Variants in RPH3A observed in about 807,000 individuals in gnomAD.
RPH3A encodes the protein rabphilin-3A.
RPH3A carries 48 observed loss-of-function variants against 102.2 expected under a neutral mutation model. That is an observed-to-expected ratio of 0.47 (90% CI 0.37 to 0.60). The LOEUF is 0.60. RPH3A is among the 20% of genes least tolerant of loss of function. RPH3A has a pLI of 0.00. For synonymous variants in RPH3A, 310 were observed against 324.3 expected (o/e 0.96, Z 0.47); for missense variants, 781 against 910.1 (o/e 0.86, Z 1.83).
At chr12:112,693,980 A>G (rs1160477190) in intron 1 of RPH3A, among the ~76,000 whole-genome samples, 2 of 152,192 alleles carry the variant, frequency 1.3e-5, no homozygotes, top group African/African-American at 2.4e-5. Context: ...GAGCCTTGCA[A>G]TGGCTTTCTA....
intron 1 of RPH3A, among the ~76,000 whole-genome samples, chr12:112,784,389 A>G (rs1480880755): frequency 6.6e-6 from 1 of 152,124 alleles, no homozygotes; most frequent in Non-Finnish European, 1.5e-5. Flanking sequence ...TGAGGTGATG[A>G]TCTATCCCAG....
At chr12:112,851,316 T>C (rs1448184809) in intron 5 of RPH3A, among the ~76,000 whole-genome samples, 1 of 152,202 alleles carries the variant, frequency 6.6e-6, no homozygotes, top group Non-Finnish European at 1.5e-5. Context: ...AACTATGCTC[T>C]TAAATGTCTG....
chr12:112,679,748 G>A (rs2040213797), intron 1 of RPH3A, among the ~76,000 whole-genome samples: 2 of 152,198 alleles, frequency 1.3e-5, no homozygotes, highest in Non-Finnish European at 2.9e-5. Flanking sequence ...TTTTAATGAG[G>A]CTGTGCCAGG....
In RPH3A at chr12:112,791,875, A is replaced by AGC. The variant is rs2041116373; in HGVS notation, c.-276_-275insCG. The AGC allele has an allele frequency of 6.9e-6, 1 of 145,370 alleles. No homozygotes were observed. Among genetic ancestry groups the AGC allele is most frequent in the African/African-American group, 2.6e-5 (1 of 38,986 alleles). The allele number at this position is 145,370 out of a possible 1,614,324, so 9.0% of individuals were successfully genotyped here. On this transcript the variant is annotated 5_prime_UTR_variant, in exon 1 of 22. Coordinates refer to ENST00000389385, the MANE Select transcript of RPH3A (RefSeq NM_001143854.2). ...GGAAAGGAAGGGAGAAGGGAGAGAG[A>AGC]GAGAGAGAGAGAGAGAGAGAGAGAG...
intron 5 of RPH3A, among the ~76,000 whole-genome samples, chr12:112,862,238 C>A (rs1260426450): frequency 1.3e-5 from 2 of 149,772 alleles, no homozygotes; most frequent in African/African-American, 4.9e-5. Context: ...AGACTCAGTC[C>A]CCCCCCCAAA....
chr12:112,757,135 A>C (rs1249593364), intron 1 of RPH3A, among the ~76,000 whole-genome samples: 1 of 152,206 alleles, frequency 6.6e-6, no homozygotes, highest in East Asian at 1.9e-4. Context: ...CAAATGAATG[A>C]AATAAAATGA....
At chr12:112,706,565 T>C (rs1042325154) in intron 1 of RPH3A, among the ~76,000 whole-genome samples, 1 of 152,146 alleles carries the variant, frequency 6.6e-6, no homozygotes, top group Non-Finnish European at 1.5e-5. Flanking sequence ...CTTCAACAAA[T>C]GAGAATGGCT....
At chr12:112,810,656 AC>A (rs2041555136) in intron 2 of RPH3A, among the ~76,000 whole-genome samples, 1 of 152,122 alleles carries the variant, frequency 6.6e-6, no homozygotes, top group Non-Finnish European at 1.5e-5. Context: ...CCCAAAAACA[AC>A]CCCTAAGTAT....
intron 1 of RPH3A, among the ~76,000 whole-genome samples, chr12:112,636,081 G>A (rs1167765891): frequency 6.6e-6 from 1 of 152,148 alleles, no homozygotes; most frequent in Non-Finnish European, 1.5e-5. Flanking sequence ...TGGGTAAATA[G>A]TTAAGGGCCA....
intron 3 of RPH3A, among the ~76,000 whole-genome samples, chr12:112,829,585 T>A (rs921480983): frequency 4.6e-5 from 7 of 152,240 alleles, no homozygotes; most frequent in Non-Finnish European, 5.9e-5. Flanking sequence ...AAAGGCTTTT[T>A]AGCAAAAATT....
chr12:112,578,299 A>C (rs1388130054), intron 1 of RPH3A, among the ~76,000 whole-genome samples: 2 of 152,280 alleles, frequency 1.3e-5, no homozygotes, highest in East Asian at 3.9e-4. Context: ...GGGAAGAAAA[A>C]AAGCTTTCAA....
At chr12:112,628,568 C>CAAAAAAAAAAAAAAAAAAAAAAAAAA (rs771688201) in intron 1 of RPH3A, among the ~76,000 whole-genome samples, 1 of 27,006 alleles carries the variant, frequency 3.7e-5, no homozygotes, top group African/African-American at 1.3e-4. Flanking sequence ...GTCTTTACCA[C>CAAAAAAAAAAAAAAAAAAAAAAAAAA]AAAAAAAAAA....
chr12:112,895,678 C>T, intron 20 of RPH3A, 99 bp from the exon 21 acceptor site: 1 of 751,658 alleles, frequency 1.3e-6, no homozygotes, highest in South Asian at 1.6e-5. Context: ...AGCTCAAGGA[C>T]CTCTCCTTGG....
intron 2 of RPH3A, among the ~76,000 whole-genome samples, chr12:112,800,900 T>C (rs1228999082): frequency 2.6e-5 from 4 of 152,040 alleles, no homozygotes; most frequent in Non-Finnish European, 5.9e-5. Context: ...TTCAGGGAGC[T>C]CTGCAAATGC....
At chr12:112,604,178 G>A (rs1054391077) in intron 1 of RPH3A, among the ~76,000 whole-genome samples, 1 of 152,144 alleles carries the variant, frequency 6.6e-6, no homozygotes, top group Non-Finnish European at 1.5e-5. Context: ...GATACCTGAA[G>A]CCTAGATCTG....
chr12:112,804,850 G>A (rs1565890591), intron 2 of RPH3A, among the ~76,000 whole-genome samples: 1 of 152,094 alleles, frequency 6.6e-6, no homozygotes, highest in African/African-American at 2.4e-5. Context: ...CAGCCAATAC[G>A]AACTCTTTCT....
At chr12:112,774,629 A>G (rs972049262) in intron 1 of RPH3A, among the ~76,000 whole-genome samples, 8 of 152,234 alleles carry the variant, frequency 5.3e-5, no homozygotes, top group African/African-American at 1.9e-4. Flanking sequence ...TGTCCTTTGC[A>G]CATGGATGAA....
chr12:112,802,192 T>G (rs2041367110), intron 2 of RPH3A, among the ~76,000 whole-genome samples: 1 of 152,198 alleles, frequency 6.6e-6, no homozygotes, highest in Non-Finnish European at 1.5e-5. Flanking sequence ...ATTCTTTGCC[T>G]AACAAATGCT....
intron 2 of RPH3A, among the ~76,000 whole-genome samples, chr12:112,806,919 G>T (rs902977062): frequency 2.0e-5 from 3 of 152,108 alleles, no homozygotes; most frequent in African/African-American, 7.2e-5. Flanking sequence ...AGGAAGTGAT[G>T]TTCGACCTGA....
Sources: allele counts gnomAD v4.1 joint callset (sites outside exome capture counted in the v4.1 genomes callset), GRCh38; gene constraint gnomAD v4.1.1; transcripts MANE v1.5; gene names NCBI Gene and HGNC (gene_info 2026-07-23, HGNC 2026-07-21).